The following PCDHA3 variants were observed in gnomAD, a reference collection of about 807,000 sequenced individuals.
PCDHA3 encodes the protein protocadherin alpha-3.
Under a neutral mutation model 62.2 loss-of-function variants are expected in PCDHA3, and 41 were observed. That is an observed-to-expected ratio of 0.66 (90% CI 0.51 to 0.86). The LOEUF (loss-of-function observed/expected upper bound fraction) is 0.86, where lower values mean the gene tolerates loss of function less well. Ranked by LOEUF, PCDHA3 falls within the 40% of genes least tolerant of loss-of-function variation. The probability of loss-of-function intolerance (pLI) is 0.00; values close to 1 mark genes in which losing one functional copy is unlikely to be tolerated. For missense variants in PCDHA3, 1,304 were observed against 1,241.2 expected (o/e 1.05, Z -0.76); for synonymous variants, 640 against 555.4 (o/e 1.15, Z -2.14).
At chr5:140,916,592 G>A (rs1554197534) in intron 1 of PCDHA3, among the ~76,000 whole-genome samples, 2 of 152,164 alleles carry the variant, frequency 1.3e-5, no homozygotes, top group Non-Finnish European at 2.9e-5. Flanking sequence ...ATGAGCTAGG[G>A]CCTGGAATGC....
chr5:140,822,222 G>A (rs2150114654), intron 1 of PCDHA3: 1 of 1,614,212 alleles, frequency 6.2e-7, no homozygotes, highest in Non-Finnish European at 8.5e-7. Flanking sequence ...TGCCAGATTC[G>A]CGGTTTCCGC....
At chr5:140,804,976 A>G in intron 1 of PCDHA3, 4 of 1,493,470 alleles carry the variant, frequency 2.7e-6, no homozygotes, top group Non-Finnish European at 3.6e-6. Context: ...TAGTGTGTCC[A>G]TCTCAGGTCA....
In PCDHA3 at chr5:140,805,483, G is replaced by A. The variant is rs1034813993; in HGVS notation, c.2394+1892G>A. On this transcript the variant is annotated intron_variant, in intron 1 of 3. Transcript: ENST00000522353. ...AGTGTAGTTCTTCAATAGAGAGGGAGCGTAAAGCTATTTTCACTAGATTGA... is the reference window on the plus strand; with the variant it reads ...AGTGTAGTTCTTCAATAGAGAGGGAACGTAAAGCTATTTTCACTAGATTGA... 10 of 995,306 alleles carry A rather than the reference G, an allele frequency of 1.0e-5. No individual in the cohort carries two copies. The African/African-American group carries it at 1.4e-4, about 14-fold the overall frequency. 61.7% of individuals were successfully genotyped at this position (995,306 alleles called of 1,614,324 possible).
intron 1 of PCDHA3, chr5:140,827,843 C>A: frequency 2.2e-6 from 1 of 460,554 alleles, no homozygotes; most frequent in East Asian, 3.5e-5. Context: ...AAAGAAGATA[C>A]TGTTTTAAAA....
At chr5:140,928,681 TC>T (rs782384924) in intron 1 of PCDHA3, 4 of 1,614,062 alleles carry the variant, frequency 2.5e-6, no homozygotes. Flanking sequence ...TGCCTGGCTT[TC>T]CTACCACATC....
At chr5:140,883,609 C>T (rs2059699123) in intron 1 of PCDHA3, 1 of 1,614,032 alleles carries the variant, frequency 6.2e-7, no homozygotes, top group Non-Finnish European at 8.5e-7. Flanking sequence ...GGGTGGCCGA[C>T]GTGAACGACA....
intron 1 of PCDHA3, among the ~76,000 whole-genome samples, chr5:140,952,040 G>T (rs1243206064): frequency 1.3e-5 from 2 of 152,216 alleles, no homozygotes; most frequent in African/African-American, 4.8e-5. Context: ...CAGTAGGGCA[G>T]TTATTAAATC....
rs781893809 is a variant in PCDHA3 at position 140,883,492 on chromosome 5, G to T, written c.2394+79901G>T. On this transcript the variant is annotated intron_variant, in intron 1 of 3. Transcript: ENST00000522353. ...CCTACAAGAACTACTACTCATTAGT[G>T]CTGGACAGCGCCCTGGACCGCGAGA... The T allele has an allele frequency of 4.3e-5, 69 of 1,614,058 alleles. 1 individual carries two copies. In the South Asian group the frequency reaches 7.5e-4, roughly 17 times the overall value.
chr5:140,820,793 G>T (rs889217740), intron 1 of PCDHA3, among the ~76,000 whole-genome samples: 2 of 151,918 alleles, frequency 1.3e-5, no homozygotes, highest in Admixed American at 1.3e-4. Context: ...TAAGTACAAA[G>T]GTATGTATTT....
At chr5:140,858,472 T>C in intron 1 of PCDHA3, 1 of 1,518,184 alleles carries the variant, frequency 6.6e-7, no homozygotes. Context: ...TTTTGTGCTT[T>C]ATGAATAATA....
At chr5:140,829,554 C>A in intron 1 of PCDHA3, 7 of 1,612,816 alleles carry the variant, frequency 4.3e-6, no homozygotes, top group Non-Finnish European at 5.9e-6. Context: ...CAGGAGAACG[C>A]GCTGGTGTCC....
At chr5:140,958,587 A>G (rs530889375) in intron 1 of PCDHA3, among the ~76,000 whole-genome samples, 36 of 152,292 alleles carry the variant, frequency 2.4e-4, no homozygotes, top group African/African-American at 8.2e-4. Context: ...AAATGAGCTT[A>G]TGATAATTGG....
chr5:141,007,678 A>T (rs1472767852), intron 3 of PCDHA3, among the ~76,000 whole-genome samples: 1 of 152,236 alleles, frequency 6.6e-6, no homozygotes, highest in Non-Finnish European at 1.5e-5. Context: ...GACAAAAGTT[A>T]TCCTACTTCC....
chr5:141,002,656 C>T lies in PCDHA3; in HGVS notation c.2543-6971C>T, dbSNP rs115710244. Among the ~76,000 whole-genome samples the T allele has an allele frequency of 3.7e-3, 571 of 152,302 alleles. 5 individuals are homozygous for T. The highest frequency in any genetic ancestry group is 0.013 in the African/African-American group (539 of 41,574). On this transcript the variant is annotated intron_variant, in intron 3 of 3. Coordinates refer to ENST00000522353, the MANE Select transcript of PCDHA3 (RefSeq NM_018906.3). The stretch of plus-strand genomic sequence containing the variant: ...CTAGAAATGTCTACTTCATAGGGCT[C>T]TTGTCAGGACCAAAACCTATACGAC...
chr5:140,945,321 A>G (rs558331825), intron 1 of PCDHA3, among the ~76,000 whole-genome samples: 1 of 152,258 alleles, frequency 6.6e-6, no homozygotes, highest in Non-Finnish European at 1.5e-5. Flanking sequence ...AAATGGAAAT[A>G]TATTTTATGT....
intron 1 of PCDHA3, chr5:140,836,377 T>C (rs2150259122): frequency 1.2e-6 from 2 of 1,613,612 alleles, no homozygotes; most frequent in Non-Finnish European, 1.7e-6. Context: ...ACAGCCACCG[T>C]GCTGGTGTCG....
chr5:140,819,751 T>C (rs1766615199), intron 1 of PCDHA3, among the ~76,000 whole-genome samples: 2 of 151,842 alleles, frequency 1.3e-5, no homozygotes, highest in Admixed American at 1.3e-4. Context: ...AAGTCAAGAG[T>C]CTTGTTTCCT....
intron 1 of PCDHA3, chr5:140,871,198 C>A: frequency 6.2e-7 from 1 of 1,613,730 alleles, no homozygotes; most frequent in Non-Finnish European, 8.5e-7. Flanking sequence ...CAACGTGTAC[C>A]TGATCATCGC....
intron 1 of PCDHA3, chr5:140,823,971 A>C: frequency 6.2e-7 from 1 of 1,614,076 alleles, no homozygotes; most frequent in East Asian, 2.2e-5. Flanking sequence ...CCGTGTGCAC[A>C]CGGGGCAAGC....
Sources: allele counts gnomAD v4.1 joint callset (sites outside exome capture counted in the v4.1 genomes callset), GRCh38; gene constraint gnomAD v4.1.1; transcripts MANE v1.5; gene names NCBI Gene and HGNC (gene_info 2026-07-23, HGNC 2026-07-21).